DDAH1: variants seen among roughly 807,000 people sequenced by gnomAD.
DDAH1 encodes the protein N(G),N(G)-dimethylarginine dimethylaminohydrolase 1.
In DDAH1, 19 loss-of-function variants were observed where a neutral mutation model predicts 28.8. The observed-to-expected ratio is 0.66, with a 90% CI of 0.46 to 0.97. The LOEUF is 0.97. Ranked by LOEUF, DDAH1 falls within the 50% of genes least tolerant of loss-of-function variation. DDAH1 has a pLI of 0.00. For synonymous variants in DDAH1, 153 were observed against 154.4 expected (o/e 0.99, Z 0.07); for missense variants, 326 against 375.9 (o/e 0.87, Z 1.10).
intron 1 of DDAH1, among the ~76,000 whole-genome samples, chr1:85,394,644 G>A (rs1465304207): frequency 6.6e-6 from 1 of 152,090 alleles, no homozygotes; most frequent in East Asian, 1.9e-4. Flanking sequence ...AACTAACATT[G>A]GCATACTGTA....
At chr1:85,350,903 A>G (rs543220720) in intron 3 of DDAH1, among the ~76,000 whole-genome samples, 1 of 152,146 alleles carries the variant, frequency 6.6e-6, no homozygotes, top group East Asian at 1.9e-4. Context: ...TAGAGAGCCA[A>G]TCTATTAATA....
At chr1:85,558,320 C>G (rs556755363) in intron 1 of DDAH1, among the ~76,000 whole-genome samples, 3 of 152,346 alleles carry the variant, frequency 2.0e-5, no homozygotes, top group African/African-American at 7.2e-5. Context: ...CAAGATCGCA[C>G]GACTGCACTC....
intron 1 of DDAH1, among the ~76,000 whole-genome samples, chr1:85,512,487 A>C (rs1657281017): frequency 6.6e-6 from 1 of 152,204 alleles, no homozygotes; most frequent in Non-Finnish European, 1.5e-5. Flanking sequence ...ATAGTGTTGG[A>C]AGTTCTGGCC....
chr1:85,497,482 CT>C (rs1336146666), intron 1 of DDAH1, among the ~76,000 whole-genome samples: 1 of 152,228 alleles, frequency 6.6e-6, no homozygotes, highest in East Asian at 1.9e-4. Flanking sequence ...CCCCAACTAT[CT>C]TTTTCACATT....
chr1:85,461,291 A>G (rs1655115787), intron 1 of DDAH1, among the ~76,000 whole-genome samples: 1 of 152,268 alleles, frequency 6.6e-6, no homozygotes, highest in Non-Finnish European at 1.5e-5. Flanking sequence ...CTTTCTGTAA[A>G]TACAGTTTCC....
intron 1 of DDAH1, among the ~76,000 whole-genome samples, chr1:85,413,979 G>T (rs558298068): frequency 6.6e-6 from 1 of 152,324 alleles, no homozygotes; most frequent in Non-Finnish European, 1.5e-5. Flanking sequence ...ATATGAAAAT[G>T]TGTTTCCTAC....
At position 85,320,166 on chromosome 1, in the gene DDAH1, T is replaced by C. The variant is rs530663471; in HGVS notation, c.*1286A>G. ...TTGAGTAAAGGAATCATCTCTTCCT[T>C]CAGTGCCGCATTGTTCTTTGTAAGA... On this transcript the variant is annotated 3_prime_UTR_variant, in exon 6 of 6. Transcript: ENST00000284031. 5 of 152,606 alleles carry C rather than the reference T, an allele frequency of 3.3e-5. No individual in the cohort carries two copies. The highest frequency in any genetic ancestry group is 7.3e-5 in the Non-Finnish European group (5 of 68,042). The allele number at this position is 152,606 out of a possible 1,614,324, so 9.5% of individuals were successfully genotyped here.
chr1:85,410,243 T>C (rs1652587536), intron 1 of DDAH1, among the ~76,000 whole-genome samples: 4 of 152,196 alleles, frequency 2.6e-5, no homozygotes, highest in Non-Finnish European at 5.9e-5. Flanking sequence ...ATCATGCCCC[T>C]ATACTCCAGC....
At position 85,560,697 on chromosome 1, in the gene DDAH1, A is replaced by G. The variant is rs191874183; in HGVS notation, c.-123+17287T>C. Among the ~76,000 whole-genome samples the G allele has an allele frequency of 1.3e-4, 20 of 152,194 alleles. No individual in the cohort carries two copies. The East Asian group carries it at 3.7e-3, about 28-fold the overall frequency. ...TGATTTTAACATTGGAAGTATATAG[A>G]AAATAATAAAAAAGAATAAGGCTTA... On this transcript the variant is annotated intron_variant, in intron 1 of 6. Coordinates refer to the DDAH1 transcript ENST00000426972.
chr1:85,563,158 T>C (rs1218144214), intron 1 of DDAH1, among the ~76,000 whole-genome samples: 2 of 152,240 alleles, frequency 1.3e-5, no homozygotes, highest in East Asian at 3.9e-4. Flanking sequence ...AGAGCTAGTT[T>C]TTTGGTGAAG....
chr1:85,418,309 G>A (rs1423121936), intron 1 of DDAH1, among the ~76,000 whole-genome samples: 1 of 152,210 alleles, frequency 6.6e-6, no homozygotes, highest in African/African-American at 2.4e-5. Context: ...GTGAAAACAT[G>A]AAAGGTTAAT....
chr1:85,528,163 T>C (rs1260108862), intron 1 of DDAH1, among the ~76,000 whole-genome samples: 7 of 151,788 alleles, frequency 4.6e-5, no homozygotes, highest in Admixed American at 4.6e-4. Flanking sequence ...ATGTTATTTG[T>C]ATACACATAT....
intron 2 of DDAH1, among the ~76,000 whole-genome samples, chr1:85,489,444 G>A (rs1656311842): frequency 6.6e-6 from 1 of 152,182 alleles, no homozygotes; most frequent in Non-Finnish European, 1.5e-5. Context: ...ACTGTTGGCT[G>A]AGATAAGGTG....
intron 1 of DDAH1, among the ~76,000 whole-genome samples, chr1:85,365,318 C>T (rs1364147435): frequency 6.6e-6 from 1 of 152,178 alleles, no homozygotes; most frequent in African/African-American, 2.4e-5. Context: ...CTACAGTACT[C>T]TCCAAAACAG....
At chr1:85,413,635 T>C (rs530935304) in intron 1 of DDAH1, among the ~76,000 whole-genome samples, 1 of 152,376 alleles carries the variant, frequency 6.6e-6, no homozygotes, top group Non-Finnish European at 1.5e-5. Flanking sequence ...ACTCCAGATA[T>C]TTATCACTGA....
chr1:85,422,479 C>T (rs1033615992), intron 1 of DDAH1, among the ~76,000 whole-genome samples: 1 of 152,086 alleles, frequency 6.6e-6, no homozygotes, highest in South Asian at 2.1e-4. Context: ...TATTGCCAAA[C>T]CCAAGGCCAC....
chr1:85,462,183 G>A (rs1187254347), intron 1 of DDAH1, among the ~76,000 whole-genome samples: 6 of 152,162 alleles, frequency 3.9e-5, no homozygotes, highest in Non-Finnish European at 5.9e-5. Context: ...GAGGAAAGAG[G>A]AAGAGTACCC....
At chr1:85,426,127 A>G (rs1653384599) in intron 1 of DDAH1, among the ~76,000 whole-genome samples, 1 of 152,192 alleles carries the variant, frequency 6.6e-6, no homozygotes, top group Non-Finnish European at 1.5e-5. Flanking sequence ...GAGCTCAGTA[A>G]AAGCCATCAT....
At chr1:85,354,444 C>G (rs1279389552) in intron 2 of DDAH1, among the ~76,000 whole-genome samples, 2 of 152,070 alleles carry the variant, frequency 1.3e-5, no homozygotes, top group Non-Finnish European at 2.9e-5. Flanking sequence ...GTTTTAATAT[C>G]ATTTGTTGAT....
Sources: gnomAD v4.1 joint callset for allele counts (sites outside exome capture counted in the v4.1 genomes callset) on GRCh38, gnomAD v4.1.1 for gene constraint, MANE v1.5 for transcripts, NCBI Gene and HGNC (gene_info 2026-07-23, HGNC 2026-07-21) for gene names.